The following RAB7B variants were observed in gnomAD, a reference collection of about 807,000 sequenced individuals.
The protein encoded by RAB7B is ras-related protein Rab-7b.
At chr1:205,991,859 A>G (rs1323953994) in intron 4 of RAB7B, among the ~76,000 whole-genome samples, 16 of 152,342 alleles carry the variant, frequency 1.1e-4, no homozygotes, top group African/African-American at 3.1e-4. Context: ...TGTCTTCTCA[A>G]TGCCGTGTAA....
chr1:205,982,412 C>A, intron 5 of RAB7B, among the ~76,000 whole-genome samples: 1 of 152,314 alleles, frequency 6.6e-6, no homozygotes, highest in Non-Finnish European at 1.5e-5. Context: ...TGGACTATTG[C>A]AGTAGCCTCT....
At chr1:205,995,776 T>G (rs1479710659) in intron 1 of RAB7B, among the ~76,000 whole-genome samples, 2 of 152,144 alleles carry the variant, frequency 1.3e-5, no homozygotes, top group Non-Finnish European at 2.9e-5. Flanking sequence ...AAATTTCAGT[T>G]AGCTAGGAGT....
chr1:205,984,934 T>C (rs1660563140), intron 5 of RAB7B, among the ~76,000 whole-genome samples: 1 of 151,976 alleles, frequency 6.6e-6, no homozygotes, highest in Admixed American at 6.6e-5. Context: ...ATGGGCTGTC[T>C]GTGAGCCCCT....
intron 4 of RAB7B, among the ~76,000 whole-genome samples, chr1:205,987,872 A>G (rs1660640566): frequency 6.6e-6 from 1 of 152,168 alleles, no homozygotes. Context: ...AATAAAATTT[A>G]CCATTTTTAA....
chr1:205,998,062 G>C (rs1337198546), intron 1 of RAB7B, among the ~76,000 whole-genome samples: 1 of 152,154 alleles, frequency 6.6e-6, no homozygotes, highest in Non-Finnish European at 1.5e-5. Context: ...TGAATCAAAG[G>C]CTGAGAAGGC....
chr1:205,987,255 G>A (rs1660626653), intron 4 of RAB7B, among the ~76,000 whole-genome samples: 1 of 151,736 alleles, frequency 6.6e-6, no homozygotes, highest in African/African-American at 2.4e-5. Context: ...CTCATCTTTT[G>A]TTTATAAAAT....
intron 5 of RAB7B, among the ~76,000 whole-genome samples, chr1:205,982,703 C>G (rs1660517842): frequency 6.6e-6 from 1 of 152,164 alleles, no homozygotes; most frequent in Admixed American, 6.5e-5. Flanking sequence ...AGGCCCAGCT[C>G]TTTCCACCCC....
intron 4 of RAB7B, among the ~76,000 whole-genome samples, 152 bp from the exon 5 acceptor site, chr1:205,985,817 GGCCCACCATCCCCACCAGGCCCACCAC>G: frequency 7.3e-6 from 1 of 137,886 alleles, no homozygotes; most frequent in East Asian, 2.3e-4. Flanking sequence ...AGGCCCACCA[GGCCCACCATCCCCACCAGGCCCACCAC>G]CACTCCCATT....
chr1:205,999,849 C>T (rs1166021253), intron 1 of RAB7B, among the ~76,000 whole-genome samples: 1 of 152,224 alleles, frequency 6.6e-6, no homozygotes, highest in Non-Finnish European at 1.5e-5. Context: ...CTCCCTGCCA[C>T]CTCAAATTCC....
intron 5 of RAB7B, among the ~76,000 whole-genome samples, chr1:205,979,400 C>A (rs957991473): frequency 2.4e-4 from 37 of 152,174 alleles, no homozygotes; most frequent in African/African-American, 8.4e-4. Context: ...ATCCAGGCAG[C>A]CCTCCCTAAA....
At chr1:205,982,997 G>A (rs1253077528) in intron 5 of RAB7B, among the ~76,000 whole-genome samples, 1 of 152,204 alleles carries the variant, frequency 6.6e-6, no homozygotes, top group African/African-American at 2.4e-5. Flanking sequence ...ACTGCAGAAA[G>A]TTGTGCCCTG....
At chr1:205,998,622 G>A (rs926695507) in intron 1 of RAB7B, among the ~76,000 whole-genome samples, 4 of 152,182 alleles carry the variant, frequency 2.6e-5, no homozygotes, top group African/African-American at 7.2e-5. Context: ...TCAGAGACGC[G>A]GCATGCTAGG....
At chr1:205,996,312 G>C (rs1660812806) in intron 1 of RAB7B, among the ~76,000 whole-genome samples, 1 of 152,118 alleles carries the variant, frequency 6.6e-6, no homozygotes, top group Admixed American at 6.6e-5. Flanking sequence ...CACTAAGCAT[G>C]CTGAGTAAAC....
intron 4 of RAB7B, among the ~76,000 whole-genome samples, chr1:205,990,784 T>C (rs1660707589): frequency 4.4e-5 from 1 of 22,734 alleles, no homozygotes; most frequent in Admixed American, 7.3e-4. Flanking sequence ...TGTCTTTTTC[T>C]TTCTTTCTTT....
At chr1:205,984,879 T>C (rs1660561835) in intron 5 of RAB7B, among the ~76,000 whole-genome samples, 1 of 151,920 alleles carries the variant, frequency 6.6e-6, no homozygotes, top group Non-Finnish European at 1.5e-5. Context: ...TTCTTCCCTC[T>C]CCCTCCTCCC....
intron 5 of RAB7B, among the ~76,000 whole-genome samples, chr1:205,982,810 G>A (rs1660519943): frequency 6.6e-6 from 1 of 152,200 alleles, no homozygotes; most frequent in African/African-American, 2.4e-5. Context: ...TCCCTGGGAA[G>A]GAAGGCAAGT....
At chr1:205,989,141 T>C (rs1223186005) in intron 4 of RAB7B, among the ~76,000 whole-genome samples, 6 of 148,062 alleles carry the variant, frequency 4.1e-5, no homozygotes, top group Non-Finnish European at 8.8e-5. Flanking sequence ...CTCTCCTCCA[T>C]CCTCTCCTCA....
chr1:205,981,363 C>T (rs1334425167), intron 5 of RAB7B, among the ~76,000 whole-genome samples: 4 of 152,228 alleles, frequency 2.6e-5, no homozygotes, highest in African/African-American at 9.6e-5. Flanking sequence ...ATCTACCTTT[C>T]CTTTCAGAAT....
chr1:205,981,619 G>A (rs972074342), intron 5 of RAB7B, among the ~76,000 whole-genome samples: 1 of 147,656 alleles, frequency 6.8e-6, no homozygotes. Flanking sequence ...CTTTCACAAT[G>A]TTAACTGAAC....
Sources: gnomAD v4.1 joint callset for allele counts (sites outside exome capture counted in the v4.1 genomes callset) on GRCh38, gnomAD v4.1.1 for gene constraint, MANE v1.5 for transcripts, NCBI Gene and HGNC (gene_info 2026-07-23, HGNC 2026-07-21) for gene names.